Variants in MYO5C observed in about 807,000 individuals in gnomAD.
MYO5C encodes myosin VC.
MYO5C carries 194 observed loss-of-function variants against 235.7 expected under a neutral mutation model. The observed-to-expected ratio is 0.82, with a 90% CI of 0.73 to 0.93. The LOEUF is 0.93. Among genes scored for constraint, MYO5C ranks in the 40% least tolerant of loss-of-function variants. The probability of loss-of-function intolerance (pLI) is 0.00; values close to 1 mark genes in which losing one functional copy is unlikely to be tolerated. For synonymous variants in MYO5C, 707 were observed against 754.8 expected, an observed-to-expected ratio of 0.94 and a Z score of 1.04; for missense variants, 2,038 against 2,127.2, an observed-to-expected ratio of 0.96 and a Z score of 0.82.
chr15:52,247,359 T>C, intron 15 of MYO5C, 99 bp downstream of exon 15: 1 of 1,359,792 alleles, frequency 7.4e-7, no homozygotes, highest in Non-Finnish European at 1.0e-6. Flanking sequence ...CCAGCGTCTG[T>C]CCATGTCCAG....
Position 52,291,729 on chromosome 15 carries a change from A to ATGTTTTTTTTTT in MYO5C, c.27+3869_27+3880dup, listed in dbSNP as rs2037391419. 6.6e-4 allele frequency among the ~76,000 whole-genome samples: 31 copies of ATGTTTTTTTTTT among 46,712 alleles called. 1 individual carries two copies. The highest frequency in any genetic ancestry group is 2.0e-3 in the African/African-American group (26 of 12,940). The allele number at this position is 46,712 out of a possible 152,430, so 30.6% of individuals were successfully genotyped here. On this transcript the variant is annotated intron_variant, in intron 1 of 40. Transcript: ENST00000261839. ...TCTTTTTTCTTTGTTTGCATATTTT[A>ATGTTTTTTTTTT]TGTTTTTTTTTTTTTTTTTTTTTTT...
chr15:52,262,890 G>C (rs541533571), intron 9 of MYO5C, among the ~76,000 whole-genome samples: 1 of 152,338 alleles, frequency 6.6e-6, no homozygotes, highest in South Asian at 2.1e-4. Flanking sequence ...CCCCCAATGT[G>C]ACCGTATTTG....
At chr15:52,241,896 C>T in intron 20 of MYO5C, 152 bp downstream of exon 20, 1 of 908,972 alleles carries the variant, frequency 1.1e-6, no homozygotes. Context: ...CAGGCATGAG[C>T]CACAGCACCT....
At chr15:52,205,432 G>T in intron 37 of MYO5C, 1 of 441,786 alleles carries the variant, frequency 2.3e-6, no homozygotes, top group Non-Finnish European at 4.0e-6. Context: ...ACAAATCATG[G>T]CCTGGGCATT....
chr15:52,203,071 C>T (rs952301456), intron 38 of MYO5C, among the ~76,000 whole-genome samples: 1 of 151,780 alleles, frequency 6.6e-6, no homozygotes, highest in South Asian at 2.1e-4. Flanking sequence ...CAGGTGTGCA[C>T]CACCAGGCCT....
rs1185453412 is a variant in MYO5C at position 52,242,217 on chromosome 15, G to C, written c.2391-4C>G. The C allele has an allele frequency of 6.2e-7, 1 of 1,607,888 alleles. No individual in the cohort carries two copies. The highest frequency in any genetic ancestry group is 8.5e-7 in the Non-Finnish European group (1 of 1,176,714). ...GGCCACTGCAGTAATAGCTTTCCTTGGTTAACAAGGATGAAGAGTGAGTCT... is the reference window on the plus strand; with the variant it reads ...GGCCACTGCAGTAATAGCTTTCCTTCGTTAACAAGGATGAAGAGTGAGTCT... On this transcript the variant is annotated splice_polypyrimidine_tract_variant and splice_region_variant and intron_variant, in intron 19 of 40. Transcript: ENST00000261839.
intron 38 of MYO5C, among the ~76,000 whole-genome samples, chr15:52,202,422 GA>G (rs1211180059): frequency 6.6e-6 from 1 of 152,116 alleles, no homozygotes; most frequent in African/African-American, 2.4e-5. Context: ...TGGTGGAAGG[GA>G]AAAAGTACTG....
chr15:52,238,238 T>A (rs2036132879), intron 21 of MYO5C, among the ~76,000 whole-genome samples: 1 of 152,174 alleles, frequency 6.6e-6, no homozygotes, highest in African/African-American at 2.4e-5. Context: ...TTTCTGTTGT[T>A]TAAGCCACCC....
intron 10 of MYO5C, 103 bp from the exon 11 acceptor site, chr15:52,256,823 C>T: frequency 1.2e-6 from 1 of 840,096 alleles, no homozygotes; most frequent in Admixed American, 2.3e-5. Context: ...TTTGCTATGT[C>T]TTCTACAAGT....
chr15:52,256,581 A>ACT, intron 11 of MYO5C, 58 bp downstream of exon 11: 1 of 914,952 alleles, frequency 1.1e-6, no homozygotes, highest in Non-Finnish European at 1.6e-6. Flanking sequence ...ACACACACAC[A>ACT]CACACACGCG....
rs1473152391 is a variant in MYO5C, at chr15:52,272,693, C to T, written c.637G>A (p.Asp213Asn). 1.2e-6 allele frequency: 2 copies of T among 1,613,882 alleles called. No homozygotes were observed. Among genetic ancestry groups the T allele is most frequent in the Non-Finnish European group, 1.7e-6 (2 of 1,179,978 alleles). ...TATTTCCCAAACCGACTACTATTGT[C>T]ATTGCGGGTGGTCTTGGCATTTCCA... is the stretch of plus-strand genomic sequence containing the variant. ...AVGNAKTTRNDNSSRFGKYTE... is the reference protein window; with the variant it reads ...AVGNAKTTRNNNSSRFGKYTE... Residue 213 changes from aspartate (D) to asparagine (N), a missense_variant, in exon 6 of 41, where the codon GAC (aspartate) becomes AAC (asparagine). Transcript: ENST00000261839.
At chr15:52,228,130 GAT>G (rs1386349740) in intron 25 of MYO5C, among the ~76,000 whole-genome samples, 1 of 151,986 alleles carries the variant, frequency 6.6e-6, no homozygotes, top group Non-Finnish European at 1.5e-5. Context: ...TATTTTTAAT[GAT>G]AGATACAGGT....
intron 2 of MYO5C, among the ~76,000 whole-genome samples, chr15:52,281,789 T>C (rs2037166938): frequency 6.6e-6 from 1 of 152,212 alleles, no homozygotes; most frequent in Admixed American, 6.5e-5. Context: ...TCTCAGGAAA[T>C]GTCTCCCAAA....
chr15:52,211,016 T>G (rs1043006012), intron 35 of MYO5C, among the ~76,000 whole-genome samples: 1 of 152,228 alleles, frequency 6.6e-6, no homozygotes, highest in Non-Finnish European at 1.5e-5. Context: ...CTATGGTAGG[T>G]TCCCTCTTGC....
intron 33 of MYO5C, among the ~76,000 whole-genome samples, chr15:52,213,791 T>C (rs1178522595): frequency 6.6e-6 from 1 of 152,154 alleles, no homozygotes; most frequent in African/African-American, 2.4e-5. Flanking sequence ...TGAGCCAGGG[T>C]GGTGAATGAT....
rs529562058 is a variant in MYO5C at position 52,285,298 on chromosome 15, G to A, written c.28-2406C>T. ...CAGGATAATCGCTTGAACCCAGGAG[G>A]TGGAGGTTGCAGTGAGCCGAGATCG... On this transcript the variant is annotated intron_variant, in intron 1 of 40. Transcript: ENST00000261839. 5.0e-3 allele frequency among the ~76,000 whole-genome samples: 758 copies of A among 152,016 alleles called. 4 individuals carry two copies. The highest frequency in any genetic ancestry group is 0.019 in the South Asian group (92 of 4,808).
In MYO5C at chr15:52,229,400, G is replaced by A. The variant is rs146241941; in HGVS notation, c.3027-87C>T. On this transcript the variant is annotated intron_variant, in intron 24 of 40. Coordinates refer to ENST00000261839, the MANE Select transcript of MYO5C (RefSeq NM_018728.4). ...AGCACTTTGGGAGGCCAAGGCAGGC[G>A]GATCCCTTGAGCCCAGGAGTTCAAG... The A allele has an allele frequency of 9.8e-5, 126 of 1,289,348 alleles. No individual in the cohort carries two copies. In the East Asian group the frequency reaches 2.6e-3, roughly 27 times the overall value. The allele number at this position is 1,289,348 out of a possible 1,614,324, so 79.9% of individuals were successfully genotyped here.
chr15:52,270,065 G>A (rs1047648224), intron 7 of MYO5C, among the ~76,000 whole-genome samples: 1 of 152,108 alleles, frequency 6.6e-6, no homozygotes, highest in Non-Finnish European at 1.5e-5. Flanking sequence ...TGAGGCAGGG[G>A]GCTTGCTTGA....
intron 38 of MYO5C, among the ~76,000 whole-genome samples, chr15:52,204,530 G>C (rs1408129467): frequency 6.6e-6 from 1 of 151,956 alleles, no homozygotes; most frequent in African/African-American, 2.4e-5. Flanking sequence ...CTTGTTTCCT[G>C]TGTTCTCCCC....
Sources: gnomAD v4.1 joint callset for allele counts (sites outside exome capture counted in the v4.1 genomes callset) on GRCh38, gnomAD v4.1.1 for gene constraint, MANE v1.5 for transcripts, NCBI Gene and HGNC (gene_info 2026-07-23, HGNC 2026-07-21) for gene names.